The following C2CD3 variants were observed in gnomAD, a reference collection of about 807,000 sequenced individuals.
C2CD3 encodes C2 domain-containing protein 3.
A neutral mutation model predicts 234.0 loss-of-function variants in C2CD3; 148 were observed. That is an observed-to-expected ratio of 0.63 (90% CI 0.55 to 0.72). C2CD3 has a LOEUF of 0.72. Among genes scored for constraint, C2CD3 ranks in the 30% least tolerant of loss-of-function variants. The probability of loss-of-function intolerance (pLI) is 0.00; values close to 1 mark genes in which losing one functional copy is unlikely to be tolerated. For synonymous variants in C2CD3, 1,000 were observed against 1,035.4 expected (o/e 0.97, Z 0.66); for missense variants, 2,577 against 2,811.5 (o/e 0.92, Z 1.89).
intron 5 of C2CD3, among the ~76,000 whole-genome samples, chr11:74,136,805 A>G (rs533604184): frequency 5.3e-5 from 8 of 152,156 alleles, no homozygotes; most frequent in Non-Finnish European, 1.0e-4. Context: ...TGTCGGGGGT[A>G]GGGGGCTAGG....
At chr11:74,021,840 G>A (rs1952099408) in intron 32 of C2CD3, among the ~76,000 whole-genome samples, 1 of 152,134 alleles carries the variant, frequency 6.6e-6, no homozygotes, top group Non-Finnish European at 1.5e-5. Context: ...GAAATAGTCG[G>A]GGGGGCTGGG....
At position 74,128,498 on chromosome 11, in the gene C2CD3, T is replaced by TTAA. The variant is rs372366989; in HGVS notation, c.1217+4345_1217+4346insTTA. On this transcript the variant is annotated intron_variant, in intron 7 of 32. Transcript: ENST00000334126. ...ACCTTTATGTTTTCTCTAAGAGTTT[T>TTAA]ATAGTTTTAGCTCTTCCATTTAGCT... The TTAA allele has an allele frequency of 1.7e-3, 255 of 152,366 alleles. 1 individual carries two copies. The highest frequency in any genetic ancestry group is 5.8e-3 in the African/African-American group (243 of 41,586). The allele number at this position is 152,366 out of a possible 1,614,324, so 9.4% of individuals were successfully genotyped here.
intron 18 of C2CD3, among the ~76,000 whole-genome samples, chr11:74,093,524 C>G (rs1955978074): frequency 6.6e-6 from 1 of 151,284 alleles, no homozygotes; most frequent in South Asian, 2.1e-4. Context: ...AAGGGACGCA[C>G]AAAAAAGGTG....
At position 74,027,689 on chromosome 11, in the gene C2CD3, G is replaced by C. The variant is rs564127481; in HGVS notation, c.6921+598C>G. 4.6e-5 allele frequency among the ~76,000 whole-genome samples: 7 copies of C among 152,298 alleles called. 1 individual carries two copies. The South Asian group carries it at 1.4e-3, about 32-fold the overall frequency. On this transcript the variant is annotated intron_variant, in intron 32 of 32. Coordinates refer to ENST00000334126, the MANE Select transcript of C2CD3 (RefSeq NM_001286577.2). ...TTTACTACTATATGCTCAGTATCCAGCATGACACCTGATACAGGGTAGGTA... is the reference window on the plus strand; with the variant it reads ...TTTACTACTATATGCTCAGTATCCACCATGACACCTGATACAGGGTAGGTA...
At chr11:74,120,079 G>A (rs1269092238) in intron 8 of C2CD3, among the ~76,000 whole-genome samples, 1 of 151,378 alleles carries the variant, frequency 6.6e-6, no homozygotes, top group Non-Finnish European at 1.5e-5. Flanking sequence ...TTAAGCAGTG[G>A]CATGTGGCTA....
chr11:74,037,694 T>A lies in C2CD3; in HGVS notation c.5665A>T (p.Asn1889Tyr). ...QTSILTSLRKNLSELDQIQRY... is the reference protein window; with the variant it reads ...QTSILTSLRKYLSELDQIQRY... ...TGAATCTGATCAAGCTCACTCAGAT[T>A]CTTCCTATAAACAAAAGGGGGAGAA... Residue 1889 changes from asparagine (N) to tyrosine (Y), a missense_variant, in exon 30 of 33, where the codon AAT (asparagine) becomes TAT (tyrosine). By Grantham distance (143) the Asn-to-Tyr change is moderately radical. Coordinates refer to ENST00000334126, the MANE Select transcript of C2CD3 (RefSeq NM_001286577.2). The A allele has an allele frequency of 6.2e-7, 1 of 1,612,334 alleles. No individual in the cohort carries two copies.
intron 2 of C2CD3, among the ~76,000 whole-genome samples, chr11:74,166,860 C>T (rs190528127): frequency 6.6e-6 from 1 of 152,242 alleles, no homozygotes; most frequent in African/African-American, 2.4e-5. Context: ...ATTTAGTATT[C>T]ACAATAATTC....
chr11:74,137,611 G>C (rs1448990421), intron 5 of C2CD3, among the ~76,000 whole-genome samples: 1 of 151,022 alleles, frequency 6.6e-6, no homozygotes, highest in East Asian at 1.9e-4. Context: ...TTGAGACAGA[G>C]TCTTGCTCCG....
At chr11:74,062,682 A>G (rs1380479204) in intron 24 of C2CD3, among the ~76,000 whole-genome samples, 1 of 152,068 alleles carries the variant, frequency 6.6e-6, no homozygotes, top group South Asian at 2.1e-4. Context: ...GGAAAGATCT[A>G]AAATTGACAC....
intron 28 of C2CD3, among the ~76,000 whole-genome samples, chr11:74,047,093 G>C (rs1365775869): frequency 6.6e-6 from 1 of 152,194 alleles, no homozygotes; most frequent in African/African-American, 2.4e-5. Context: ...CTAGTAAGTG[G>C]TAAAGCCAGG....
At chr11:74,037,341 A>C (rs1952793227) in intron 30 of C2CD3, 137 bp downstream of exon 30, 1 of 736,552 alleles carries the variant, frequency 1.4e-6, no homozygotes, top group Non-Finnish European at 2.3e-6. Flanking sequence ...ATGGTTAAAA[A>C]AAAAAAAAAA....
At chr11:74,122,387 T>G (rs1957246631) in intron 8 of C2CD3, among the ~76,000 whole-genome samples, 1 of 152,248 alleles carries the variant, frequency 6.6e-6, no homozygotes, top group Admixed American at 6.5e-5. Context: ...TTCAGTATCT[T>G]TTTTTGACCT....
chr11:74,140,675 G>A (rs1251570933), intron 3 of C2CD3, among the ~76,000 whole-genome samples: 1 of 152,130 alleles, frequency 6.6e-6, no homozygotes, highest in Non-Finnish European at 1.5e-5. Context: ...ACTTAGCATA[G>A]TGTGTGTATA....
chr11:74,054,707 T>G (rs773006343), intron 25 of C2CD3, 36 bp from the exon 26 acceptor site: 1 of 1,430,628 alleles, frequency 7.0e-7, no homozygotes, highest in Non-Finnish European at 9.8e-7. Flanking sequence ...ACTAAATGTA[T>G]AGGAACTTTC....
rs764765104 is a variant in C2CD3 at position 74,078,638 on chromosome 11, C to A, written c.4080G>T (p.Val1360=). The part of the protein sequence containing the change: ...PHGLELMQKI[V]GGLELSISFT... Reference sequence around the variant, plus strand: ...AGGAAATCGAAAGCTCCAGACCACCCACGATCTTCTGCATGAGCTCCAGGC... The same window carrying A: ...AGGAAATCGAAAGCTCCAGACCACCAACGATCTTCTGCATGAGCTCCAGGC... The change falls in exon 23 of 33, where the codon GTG becomes GTT. Residue 1360 remains valine, a synonymous_variant. Coordinates refer to ENST00000334126, the MANE Select transcript of C2CD3 (RefSeq NM_001286577.2). 9 of 1,614,186 alleles carry A rather than the reference C, an allele frequency of 5.6e-6. No homozygotes were observed. In the South Asian group the frequency reaches 8.8e-5, roughly 16 times the overall value.
Position 74,139,990 on chromosome 11 carries a change from G to C in C2CD3, c.484-162C>G, listed in dbSNP as rs10751230. ...TGTAAGGAATGTCCCCCATTCCCTA[G>C]AGGATTGTAAGGAATGTCCCCCATT... is the stretch of plus-strand genomic sequence containing the variant. On this transcript the variant is annotated intron_variant, in intron 3 of 32. Coordinates refer to ENST00000334126, the MANE Select transcript of C2CD3 (RefSeq NM_001286577.2). 0.44 allele frequency among the ~76,000 whole-genome samples: 12,507 copies of C among 28,492 alleles called. 3,831 individuals are homozygous for C. The highest frequency in any genetic ancestry group is 0.53 in the Non-Finnish European group (6,451 of 12,106). 18.7% of individuals were successfully genotyped at this position (28,492 alleles called of 152,430 possible). A position where few individuals can be genotyped will look rare whatever the true frequency, so the allele number is the denominator to read the frequency against.
intron 32 of C2CD3, among the ~76,000 whole-genome samples, chr11:74,013,921 C>T (rs1951783913): frequency 6.6e-6 from 1 of 152,100 alleles, no homozygotes; most frequent in South Asian, 2.1e-4. Flanking sequence ...TGGGTTTAGT[C>T]CCATGTGTGA....
At chr11:74,123,737 CT>C (rs5792646) in intron 7 of C2CD3, among the ~76,000 whole-genome samples, 44,285 of 119,202 alleles carry the variant, frequency 0.37, 8,182 homozygotes, top group African/African-American at 0.65. Context: ...ACGCTGGTAT[CT>C]TTTTTTTTTT....
intron 28 of C2CD3, 130 bp from the exon 29 acceptor site, chr11:74,042,348 T>C (rs1953108291): frequency 1.1e-6 from 1 of 908,372 alleles, no homozygotes; most frequent in South Asian, 1.8e-5. Flanking sequence ...ATCACAGTTC[T>C]GGCCTTATCA....
Sources: gnomAD v4.1 joint callset for allele counts (sites outside exome capture counted in the v4.1 genomes callset) on GRCh38, gnomAD v4.1.1 for gene constraint, MANE v1.5 for transcripts, NCBI Gene and HGNC (gene_info 2026-07-23, HGNC 2026-07-21) for gene names.